The following GON4L variants were observed in gnomAD, a reference collection of about 807,000 sequenced individuals.
GON4L encodes GON-4-like protein.
Under a neutral mutation model 211.8 loss-of-function variants are expected in GON4L, and 87 were observed. The observed-to-expected ratio is 0.41, with a 90% CI of 0.35 to 0.49. The LOEUF (loss-of-function observed/expected upper bound fraction) is 0.49. GON4L is among the 20% of genes least tolerant of loss of function. GON4L has a pLI of 0.15. For missense variants in GON4L, 2,155 were observed against 2,659.5 expected (o/e 0.81, Z 4.17); for synonymous variants, 875 against 962.6 (o/e 0.91, Z 1.68).
At chr1:155,807,852 G>C (rs1337811402) in intron 10 of GON4L, among the ~76,000 whole-genome samples, 1 of 151,922 alleles carries the variant, frequency 6.6e-6, no homozygotes, top group Non-Finnish European at 1.5e-5. Flanking sequence ...TGGTAGCTGG[G>C]ATTTGGATAG....
upstream of GON4L, among the ~76,000 whole-genome samples, chr1:155,857,666 T>G (rs1487838679): frequency 1.3e-5 from 2 of 151,766 alleles, no homozygotes; most frequent in African/African-American, 2.4e-5. Context: ...GAGACGGAGG[T>G]GGCAGTGAGC....
intron 2 of GON4L, among the ~76,000 whole-genome samples, chr1:155,841,568 T>C (rs1390816963): frequency 6.6e-6 from 1 of 152,232 alleles, no homozygotes; most frequent in Non-Finnish European, 1.5e-5. Flanking sequence ...AATGAGTGCC[T>C]GCCTACCTCC....
rs148017086 is a variant in GON4L at position 155,854,140 on chromosome 1, TTG to T, written c.-26-336_-26-335del. ...ATTAATAAACACTGTGGGTTTATTT[TTG>T]TGTTTTTTTGTTTTTGTTTTTGTTT... On this transcript the variant is annotated intron_variant, in intron 1 of 31. Coordinates refer to ENST00000368331, the MANE Select transcript of GON4L (RefSeq NM_001282860.2). Among the ~76,000 whole-genome samples the T allele has an allele frequency of 2.4e-3, 369 of 152,256 alleles. 1 individual carries two copies. Among genetic ancestry groups the T allele is most frequent in the Non-Finnish European group, 4.6e-3 (310 of 68,010 alleles).
chr1:155,750,454 C>A lies in GON4L; in HGVS notation c.*130G>T. ...CCTACTCCATCCTCCAGCCTTTGTCCTTGTCCTGGCCTCCTGCTCTCCAGA... is the reference window on the plus strand; with the variant it reads ...CCTACTCCATCCTCCAGCCTTTGTCATTGTCCTGGCCTCCTGCTCTCCAGA... On this transcript the variant is annotated 3_prime_UTR_variant, in exon 32 of 32. Transcript: ENST00000368331. 1.6e-6 allele frequency: 1 copy of A among 635,630 alleles called. No individual in the cohort carries two copies. Among genetic ancestry groups the A allele is most frequent in the Non-Finnish European group, 2.9e-6 (1 of 348,570 alleles). The allele number at this position is 635,630 out of a possible 1,614,324, so 39.4% of individuals were successfully genotyped here. A position where few individuals can be genotyped will look rare whatever the true frequency, so the allele number is the denominator to read the frequency against.
At chr1:155,832,351 G>A (rs1031805328) in intron 2 of GON4L, among the ~76,000 whole-genome samples, 2 of 151,192 alleles carry the variant, frequency 1.3e-5, no homozygotes, top group South Asian at 2.1e-4. Context: ...TGTATTGCCC[G>A]GCAAGGTGCG....
intron 11 of GON4L, among the ~76,000 whole-genome samples, chr1:155,803,955 C>A (rs959324798): frequency 6.6e-6 from 1 of 152,190 alleles, no homozygotes; most frequent in Non-Finnish European, 1.5e-5. Flanking sequence ...TGCTGATTTA[C>A]TACACTTCCC....
At chr1:155,847,675 C>T (rs2363012) in intron 2 of GON4L, among the ~76,000 whole-genome samples, 131,203 of 151,948 alleles carry the variant, frequency 0.86, 58,142 homozygotes, top group East Asian at 1. Context: ...GCACTCCAGC[C>T]TGGGCAACAG....
rs1199565772 is a variant in GON4L at position 155,752,228 on chromosome 1, C to T, written c.6205G>A (p.Gly2069Arg). The T allele has an allele frequency of 9.3e-6, 15 of 1,613,266 alleles. No homozygotes were observed. The highest frequency in any genetic ancestry group is 3.3e-5 in the Admixed American group (2 of 59,966). Residue 2069 changes from glycine (G) to arginine (R), a missense_variant, in exon 30 of 32, where the codon GGG becomes AGG. This residue lies in a region of GON4L where 186 missense variants were observed against 308.1 expected (regional missense o/e 0.60). Coordinates refer to ENST00000368331, the MANE Select transcript of GON4L (RefSeq NM_001282860.2). ...CATCTCTCTTGAGTGTCTGGTTTCC[C>T]GGACACATGTCTTCTCCCTGCATCT... The part of the protein sequence containing the change: ...TRDAGRRHVS[G>R]KPDTQERWLP...
intron 10 of GON4L, among the ~76,000 whole-genome samples, chr1:155,809,965 AT>A (rs1244156225): frequency 7.6e-6 from 1 of 130,886 alleles, no homozygotes; most frequent in Non-Finnish European, 1.6e-5. Flanking sequence ...ATATACATAT[AT>A]AATTATAAAT....
Position 155,766,345 on chromosome 1 carries a change from A to T in GON4L, c.3128T>A (p.Ile1043Lys). Residue 1043 changes from isoleucine to lysine, a missense_variant, in exon 21 of 32, where the codon ATA (isoleucine) becomes AAA (lysine). Ile to Lys is a moderately radical substitution (Grantham distance 102, BLOSUM62 -3). Transcript: ENST00000368331. ...SKMVLRIPHP[I>K]QPATVLQTVP... The stretch of plus-strand genomic sequence containing the variant: ...TGTCTGTAAAACAGTGGCTGGCTGT[A>T]TTGGGTGAGGAATCCGGAGCACCAT... 1.2e-6 allele frequency: 2 copies of T among 1,614,078 alleles called. No individual in the cohort carries two copies. Among genetic ancestry groups the T allele is most frequent in the Non-Finnish European group, 1.7e-6 (2 of 1,180,010 alleles).
At position 155,857,203 on chromosome 1, in the gene GON4L, T is replaced by C. The variant is rs896452298; in HGVS notation, c.-83A>G. ...GAAACGGCTTTGGCACCACCGGAAGTCAGCCAACAACAGCGAATTGCGTGC... is the reference window on the plus strand; with the variant it reads ...GAAACGGCTTTGGCACCACCGGAAGCCAGCCAACAACAGCGAATTGCGTGC... On this transcript the variant is annotated 5_prime_UTR_variant, in exon 1 of 32. Transcript: ENST00000368331. 2 of 152,420 alleles carry C rather than the reference T, an allele frequency of 1.3e-5. No individual in the cohort carries two copies. The highest frequency in any genetic ancestry group is 2.4e-5 in the African/African-American group (1 of 41,392). 9.4% of individuals were successfully genotyped at this position (152,420 alleles called of 1,614,324 possible).
rs759350865 is a variant in GON4L, at chr1:155,752,010, G to A, written c.6423C>T (p.Ala2141=). ...QPKAAEATVC[A]NNSKVSSTGE... ...CAGTGGAGCTGACCTTGCTGTTGTT[G>A]GCACACACCGTAGCTTCTGCGGCCT... is the stretch of plus-strand genomic sequence containing the variant. The change falls in exon 30 of 32, where the codon GCC becomes GCT. Residue 2141 remains alanine, a synonymous_variant. Transcript: ENST00000368331. The A allele has an allele frequency of 3.7e-6, 6 of 1,613,326 alleles. No homozygotes were observed. The highest frequency in any genetic ancestry group is 5.1e-6 in the Non-Finnish European group (6 of 1,179,400).
intron 24 of GON4L, among the ~76,000 whole-genome samples, 162 bp downstream of exon 24, chr1:155,760,282 A>G (rs1454959896): frequency 2.0e-5 from 3 of 152,162 alleles, no homozygotes; most frequent in African/African-American, 4.8e-5. Context: ...GATTGGAAAG[A>G]TAATACCCTG....
chr1:155,791,937 C>T (rs796640072), intron 12 of GON4L, among the ~76,000 whole-genome samples: 3 of 122,374 alleles, frequency 2.5e-5, no homozygotes, highest in South Asian at 2.7e-4. Flanking sequence ...CATAACATAA[C>T]ATAACATAAA....
intron 2 of GON4L, among the ~76,000 whole-genome samples, chr1:155,835,269 G>C (rs1670190168): frequency 6.6e-6 from 1 of 152,084 alleles, no homozygotes; most frequent in East Asian, 1.9e-4. Context: ...CTTGAAGGCA[G>C]CATGCTCGTT....
At chr1:155,774,933 C>G in intron 17 of GON4L, 69 bp downstream of exon 17, 2 of 1,603,654 alleles carry the variant, frequency 1.2e-6, no homozygotes, top group Non-Finnish European at 1.7e-6. Flanking sequence ...CCTTAGTTAT[C>G]TATGGGATAA....
rs887141381 is a variant in GON4L, at chr1:155,762,469, A to G, written c.4727-95T>C. On this transcript the variant is annotated intron_variant, in intron 22 of 31. Coordinates refer to ENST00000368331, the MANE Select transcript of GON4L (RefSeq NM_001282860.2). ...CACCACCCCAGCCAAATCCTATTCA[A>G]TATTATGGAGCAATTCAAGGAAAAG... The G allele has an allele frequency of 9.9e-6, 10 of 1,012,886 alleles. No homozygotes were observed. In the South Asian group the frequency reaches 1.4e-4, roughly 14 times the overall value. 62.7% of individuals were successfully genotyped at this position (1,012,886 alleles called of 1,614,324 possible). A position where few individuals can be genotyped will look rare whatever the true frequency, so the allele number is the denominator to read the frequency against.
At chr1:155,816,358 T>G in intron 6 of GON4L, 96 bp from the exon 7 acceptor site, 1 of 681,348 alleles carries the variant, frequency 1.5e-6, no homozygotes, top group Non-Finnish European at 2.7e-6. Flanking sequence ...GCCATATACT[T>G]AACAAGTAAC....
intron 12 of GON4L, among the ~76,000 whole-genome samples, chr1:155,791,657 C>G (rs1665574441): frequency 1.3e-5 from 2 of 151,784 alleles, no homozygotes; most frequent in African/African-American, 4.8e-5. Flanking sequence ...CACCTGAGGT[C>G]AAGAGTTCAA....
Sources: allele counts gnomAD v4.1 joint callset (sites outside exome capture counted in the v4.1 genomes callset), GRCh38; gene constraint gnomAD v4.1.1; regional missense constraint gnomAD v4.1.1; transcripts MANE v1.5; gene names NCBI Gene and HGNC (gene_info 2026-07-23, HGNC 2026-07-21).